The following GLT1D1 variants were observed in gnomAD, a reference collection of about 807,000 sequenced individuals.
GLT1D1 encodes glycosyltransferase 1 domain-containing protein 1.
GLT1D1 carries 21 observed loss-of-function variants against 28.7 expected under a neutral mutation model. That is an observed-to-expected ratio of 0.73 (90% CI 0.52 to 1.05). The LOEUF is 1.05. GLT1D1 is among the 50% of genes least tolerant of loss of function. GLT1D1 has a pLI of 0.00. For synonymous variants in GLT1D1, 147 were observed against 124.8 expected, an observed-to-expected ratio of 1.18 and a Z score of -1.19; for missense variants, 343 against 330.6, an observed-to-expected ratio of 1.04 and a Z score of -0.29.
chr12:128,976,687 G>A (rs1297760582), intron 7 of GLT1D1, among the ~76,000 whole-genome samples: 2 of 152,232 alleles, frequency 1.3e-5, no homozygotes, highest in Non-Finnish European at 2.9e-5. Context: ...TTGTCAGAAT[G>A]TAATGCTCTT....
intron 6 of GLT1D1, among the ~76,000 whole-genome samples, chr12:128,956,417 A>G (rs758540818): frequency 2.3e-4 from 35 of 152,140 alleles, no homozygotes; most frequent in Non-Finnish European, 3.8e-4. Context: ...ATTGTTGCTG[A>G]AATATGGTTT....
rs1956159087 is a variant in GLT1D1 at position 128,854,417 on chromosome 12, G to GTGTGTGTGTGTGTGTT, written c.68+783_68+784insTTGTGTGTGTGTGTGT. On this transcript the variant is annotated intron_variant, in intron 1 of 7. Coordinates refer to ENST00000281703, the MANE Select transcript of GLT1D1 (RefSeq NM_144669.3). ...GCCGTGTGTGTGTGTGTGTGTGTGTGTGTGTGTGTGTGTGTGTGTGTAAAA... is the reference window on the plus strand; with the variant it reads ...GCCGTGTGTGTGTGTGTGTGTGTGTGTGTGTGTGTGTGTGTTTGTGTGTGTGTGTGTGTGTGTAAAA... 2.6e-5 allele frequency among the ~76,000 whole-genome samples: 4 copies of GTGTGTGTGTGTGTGTT among 151,402 alleles called. No individual in the cohort carries two copies. In the Middle Eastern group the frequency reaches 0.01, roughly 389 times the overall value.
intron 7 of GLT1D1, among the ~76,000 whole-genome samples, chr12:128,968,874 G>C (rs1213635521): frequency 1.3e-5 from 2 of 152,002 alleles, no homozygotes; most frequent in Non-Finnish European, 2.9e-5. Context: ...GCCTGAGCTC[G>C]GGCAGCGCCA....
intron 4 of GLT1D1, among the ~76,000 whole-genome samples, chr12:128,910,924 A>G (rs1871449442): frequency 6.6e-6 from 1 of 151,784 alleles, no homozygotes; most frequent in African/African-American, 2.4e-5. Flanking sequence ...TGTACCCACC[A>G]CCTTCTTTAT....
intron 7 of GLT1D1, among the ~76,000 whole-genome samples, chr12:128,977,760 CTTTTCTT>C (rs757216647): frequency 2.3e-3 from 209 of 90,312 alleles, no homozygotes; most frequent in East Asian, 3.5e-3. Flanking sequence ...CTTGTGAGTT[CTTTTCTT>C]TTTTCTTTTT....
chr12:128,962,119 C>CGT lies in GLT1D1; in HGVS notation c.639+4484_639+4485dup, dbSNP rs1455163265. ...CGCCACTTGTGTCCTATGGCAGCCC[C>CGT]GTGTGTGTGCCCCTGTCCCCCTCGG... On this transcript the variant is annotated intron_variant, in intron 7 of 7. Transcript: ENST00000281703. Among the ~76,000 whole-genome samples, 251 of 151,386 alleles carry CGT rather than the reference C, an allele frequency of 1.7e-3. 2 individuals carry two copies. Among genetic ancestry groups the CGT allele is most frequent in the African/African-American group, 2.0e-3 (81 of 41,254 alleles).
chr12:128,879,381 T>C (rs575229986), intron 2 of GLT1D1, among the ~76,000 whole-genome samples: 845 of 28,330 alleles, frequency 0.03, 51 homozygotes, highest in Middle Eastern at 0.081. Context: ...TTTTTCTTTT[T>C]CTTTCTTTCT....
At chr12:128,924,780 G>C (rs994331478) in intron 4 of GLT1D1, among the ~76,000 whole-genome samples, 2 of 152,122 alleles carry the variant, frequency 1.3e-5, no homozygotes, top group African/African-American at 4.8e-5. Context: ...AGAGGGTACC[G>C]GTGTGAACGG....
intron 2 of GLT1D1, among the ~76,000 whole-genome samples, chr12:128,879,126 G>A (rs2135803825): frequency 6.6e-6 from 1 of 152,328 alleles, no homozygotes. Context: ...TGTTGACAGT[G>A]AGTTGTGTTG....
intron 7 of GLT1D1, among the ~76,000 whole-genome samples, chr12:128,962,159 T>A (rs192494217): frequency 1.5e-3 from 225 of 152,338 alleles, no homozygotes; most frequent in Non-Finnish European, 2.6e-3. Context: ...CTGGCACTTG[T>A]GTCCTATGGC....
At chr12:128,944,381 CT>C (rs1055579792) in intron 4 of GLT1D1, 11 of 1,060,284 alleles carry the variant, frequency 1.0e-5, no homozygotes, top group African/African-American at 1.6e-5. Context: ...TCCAACACCG[CT>C]TTTTTTCTGG....
chr12:128,874,038 T>TGC (rs1956771879), intron 1 of GLT1D1, among the ~76,000 whole-genome samples: 1 of 48,042 alleles, frequency 2.1e-5, no homozygotes, highest in African/African-American at 9.2e-5. Context: ...CCTCCCTCCC[T>TGC]CCCTGCCTCC....
chr12:128,959,121 G>A (rs1877629403), intron 7 of GLT1D1, among the ~76,000 whole-genome samples: 1 of 151,780 alleles, frequency 6.6e-6, no homozygotes, highest in Non-Finnish European at 1.5e-5. Flanking sequence ...ACAGGCATGA[G>A]CACCACCTTC....
intron 6 of GLT1D1, among the ~76,000 whole-genome samples, chr12:128,955,995 TA>T (rs1286105030): frequency 6.6e-6 from 1 of 150,674 alleles, no homozygotes; most frequent in African/African-American, 2.4e-5. Flanking sequence ...CCATCTCTAC[TA>T]AAAGTACAAA....
intron 7 of GLT1D1, among the ~76,000 whole-genome samples, chr12:128,959,951 T>C (rs759482795): frequency 6.6e-6 from 1 of 152,176 alleles, no homozygotes; most frequent in Admixed American, 6.5e-5. Flanking sequence ...TATAAGTGGA[T>C]CTATTAGGCT....
chr12:128,864,522 G>A (rs914855117), intron 1 of GLT1D1, among the ~76,000 whole-genome samples: 7 of 151,950 alleles, frequency 4.6e-5, no homozygotes, highest in Non-Finnish European at 1.0e-4. Flanking sequence ...TGTTCCGCAG[G>A]AGTAGTGGCA....
rs1423610494 is a variant in GLT1D1 at position 128,959,439 on chromosome 12, C to T, written c.639+1796C>T. Among the ~76,000 whole-genome samples the T allele has an allele frequency of 5.4e-3, 136 of 25,066 alleles. 4 individuals carry two copies. Among genetic ancestry groups the T allele is most frequent in the African/African-American group, 0.016 (124 of 7,600 alleles). 16.4% of individuals were successfully genotyped at this position (25,066 alleles called of 152,430 possible). A position where few individuals can be genotyped will look rare whatever the true frequency, so the allele number is the denominator to read the frequency against. On this transcript the variant is annotated intron_variant, in intron 7 of 7. Coordinates refer to ENST00000281703, the MANE Select transcript of GLT1D1 (RefSeq NM_144669.3). ...GGGGGGACGGGTGGGGAGGTGGCAGCGGGGTGGGGAACGGCGGGTGGTGGG... is the reference window on the plus strand; with the variant it reads ...GGGGGGACGGGTGGGGAGGTGGCAGTGGGGTGGGGAACGGCGGGTGGTGGG...
chr12:128,910,145 G>A (rs1871358554), intron 4 of GLT1D1, among the ~76,000 whole-genome samples: 2 of 152,066 alleles, frequency 1.3e-5, no homozygotes, highest in Non-Finnish European at 2.9e-5. Context: ...TTTATGCAAC[G>A]CTTTTCAAAT....
intron 7 of GLT1D1, among the ~76,000 whole-genome samples, chr12:128,964,598 C>T (rs577553395): frequency 6.6e-6 from 1 of 152,316 alleles, no homozygotes; most frequent in African/African-American, 2.4e-5. Flanking sequence ...ACTCTCACAA[C>T]AATTCCAGGA....
Sources: allele counts gnomAD v4.1 joint callset (sites outside exome capture counted in the v4.1 genomes callset), GRCh38; gene constraint gnomAD v4.1.1; transcripts MANE v1.5; gene names NCBI Gene and HGNC (gene_info 2026-07-23, HGNC 2026-07-21).